Variants in PALMD observed in about 807,000 individuals in gnomAD.
The protein encoded by PALMD is paralemmin-like protein.
In PALMD, 42 loss-of-function variants were observed where a neutral mutation model predicts 56.2. The ratio of observed to expected loss-of-function variants is 0.75; its 90% CI spans 0.58 to 0.97. The LOEUF (loss-of-function observed/expected upper bound fraction) is 0.97. Among genes scored for constraint, PALMD ranks in the 50% least tolerant of loss-of-function variants. The probability of loss-of-function intolerance (pLI) is 0.00; values close to 1 mark genes in which losing one functional copy is unlikely to be tolerated. For missense variants in PALMD, 660 were observed against 643.8 expected (o/e 1.03, Z -0.27); for synonymous variants, 242 against 222.9 (o/e 1.09, Z -0.76).
chr1:99,687,856 AG>A (rs1264594884), intron 6 of PALMD, among the ~76,000 whole-genome samples: 1 of 151,186 alleles, frequency 6.6e-6, no homozygotes, highest in Non-Finnish European at 1.5e-5. Context: ...AGTGCAGATG[AG>A]GGGTGTTGCA....
intron 3 of PALMD, among the ~76,000 whole-genome samples, chr1:99,679,014 G>T (rs1653280103): frequency 6.6e-6 from 1 of 151,930 alleles, no homozygotes; most frequent in South Asian, 2.1e-4. Flanking sequence ...AATGTTGGGG[G>T]TGGGGGTTTG....
chr1:99,688,888 TATG>T lies in PALMD; in HGVS notation c.635_637del (p.Asp212del). 1 of 1,613,740 alleles carries T rather than the reference TATG, an allele frequency of 6.2e-7. No individual in the cohort carries two copies. The highest frequency in any genetic ancestry group is 8.5e-7 in the Non-Finnish European group (1 of 1,179,724). ...CTTTAAAGGTACAGGAATAAAAGTTTATGATGATGGGCAAAAGTCAGTGTATGC... is the reference window on the plus strand; with the variant it reads ...CTTTAAAGGTACAGGAATAAAAGTTTATGATGGGCAAAAGTCAGTGTATGC... On this transcript the variant is annotated inframe_deletion, in exon 7 of 8. Transcript: ENST00000263174.
chr1:99,652,722 AAAG>A (rs1165178141), intron 1 of PALMD, among the ~76,000 whole-genome samples: 1 of 95,308 alleles, frequency 1.0e-5, no homozygotes, highest in Non-Finnish European at 2.3e-5. Context: ...AAAGAAAAGA[AAAG>A]AAAAGAAAAG....
intron 2 of PALMD, among the ~76,000 whole-genome samples, chr1:99,665,727 C>T (rs1341737247): frequency 1.3e-5 from 2 of 152,050 alleles, no homozygotes; most frequent in Non-Finnish European, 2.9e-5. Context: ...GTAAAACTTA[C>T]TTCTATAGGT....
At chr1:99,679,144 T>G (rs1653282580) in intron 3 of PALMD, among the ~76,000 whole-genome samples, 1 of 152,058 alleles carries the variant, frequency 6.6e-6, no homozygotes, top group Admixed American at 6.5e-5. Context: ...GTCCTGGCTT[T>G]TAATAAGAGA....
chr1:99,671,223 T>C (rs1185126065), intron 3 of PALMD, among the ~76,000 whole-genome samples: 1 of 152,200 alleles, frequency 6.6e-6, no homozygotes, highest in Non-Finnish European at 1.5e-5. Flanking sequence ...GAAATATTGC[T>C]ATTACCGTGG....
intron 7 of PALMD, among the ~76,000 whole-genome samples, chr1:99,691,738 C>T (rs538758078): frequency 3.9e-5 from 6 of 152,212 alleles, no homozygotes; most frequent in East Asian, 3.9e-4. Context: ...CCCCAAAAAA[C>T]GCTTATGATA....
intron 2 of PALMD, 89 bp downstream of exon 2, chr1:99,662,488 A>G (rs562428263): frequency 8.8e-6 from 7 of 797,366 alleles, no homozygotes; most frequent in South Asian, 3.1e-5. Flanking sequence ...AGCTTTAGGA[A>G]AGAAAAAAAT....
At chr1:99,648,874 C>T (rs7513463) in intron 1 of PALMD, among the ~76,000 whole-genome samples, 55,313 of 134,468 alleles carry the variant, frequency 0.41, 11,057 homozygotes, top group Non-Finnish European at 0.46. Flanking sequence ...AAGTGCCAGT[C>T]TTTTTCTTTT....
rs1653508113 is a variant in PALMD at position 99,686,779 on chromosome 1, G to A, written c.355G>A (p.Asp119Asn). Residue 119 changes from aspartate (D) to asparagine (N), a missense_variant, in exon 4 of 8, where the codon GAC (aspartate) becomes AAC (asparagine). Coordinates refer to ENST00000263174, the MANE Select transcript of PALMD (RefSeq NM_017734.5). ...AAAGTCAATTGAGCGGACAACAGAA[G>A]ACATTATAAGAGTGAGCATTAACCA... ...KLKSIERTTE[D>N]IIRSVKVERE... 1.3e-6 allele frequency: 2 copies of A among 1,559,742 alleles called. No homozygotes were observed. Among genetic ancestry groups the A allele is most frequent in the Non-Finnish European group, 8.8e-7 (1 of 1,133,730 alleles).
At chr1:99,667,903 C>G in intron 3 of PALMD, 137 bp downstream of exon 3, 1 of 754,178 alleles carries the variant, frequency 1.3e-6, no homozygotes, top group Non-Finnish European at 2.1e-6. Context: ...TTTTAAGGCA[C>G]GCTTTCACAC....
chr1:99,674,265 G>T (rs907566390), intron 3 of PALMD, among the ~76,000 whole-genome samples: 1 of 152,032 alleles, frequency 6.6e-6, no homozygotes, highest in African/African-American at 2.4e-5. Flanking sequence ...CCCCCACCAT[G>T]ATAAGCTGAA....
intron 2 of PALMD, among the ~76,000 whole-genome samples, chr1:99,666,419 C>T (rs960128237): frequency 6.6e-6 from 1 of 151,034 alleles, no homozygotes. Flanking sequence ...TCTATCACAA[C>T]TAAACTTAAT....
chr1:99,683,090 G>T (rs1478769583), intron 3 of PALMD, among the ~76,000 whole-genome samples: 2 of 32,400 alleles, frequency 6.2e-5, no homozygotes, highest in South Asian at 2.5e-3. Context: ...GAGAGAGAGA[G>T]AAAGAAAGAA....
intron 1 of PALMD, among the ~76,000 whole-genome samples, chr1:99,654,611 A>T (rs577290136): frequency 2.0e-5 from 3 of 152,194 alleles, no homozygotes; most frequent in Admixed American, 6.5e-5. Context: ...CTCATCCACA[A>T]TATAAATTGT....
At chr1:99,687,279 TC>T in intron 6 of PALMD, 90 bp downstream of exon 6, 1 of 1,403,262 alleles carries the variant, frequency 7.1e-7, no homozygotes, top group Non-Finnish European at 9.5e-7. Context: ...ATATTATTCT[TC>T]CAGGTTAAGC....
At chr1:99,662,158 A>G (rs964633624) in intron 1 of PALMD, among the ~76,000 whole-genome samples, 161 bp from the exon 2 acceptor site, 6 of 152,166 alleles carry the variant, frequency 3.9e-5, no homozygotes, top group Non-Finnish European at 4.4e-5. Flanking sequence ...CAAATGTCTC[A>G]CTTCGCTCTC....
chr1:99,674,113 G>A (rs1653151746), intron 3 of PALMD, among the ~76,000 whole-genome samples: 1 of 152,092 alleles, frequency 6.6e-6, no homozygotes, highest in African/African-American at 2.4e-5. Flanking sequence ...CATCTCACCA[G>A]CACTTTGTTT....
intron 2 of PALMD, among the ~76,000 whole-genome samples, chr1:99,667,168 C>G (rs1437093931): frequency 6.6e-6 from 1 of 152,128 alleles, no homozygotes; most frequent in African/African-American, 2.4e-5. Flanking sequence ...TTTTTTAAAG[C>G]AGTCATTGCA....
Sources: allele counts gnomAD v4.1 joint callset (sites outside exome capture counted in the v4.1 genomes callset), GRCh38; gene constraint gnomAD v4.1.1; transcripts MANE v1.5; gene names NCBI Gene and HGNC (gene_info 2026-07-23, HGNC 2026-07-21).